DNHD1: variants seen among roughly 807,000 people sequenced by gnomAD.
DNHD1 encodes dynein heavy chain domain 1, also known as dynein heavy chain domain-containing protein 1.
A neutral mutation model predicts 458.1 loss-of-function variants in DNHD1; 383 were observed. That is an observed-to-expected ratio of 0.84 (90% CI 0.77 to 0.91). The LOEUF (loss-of-function observed/expected upper bound fraction) is 0.91. Ranked by LOEUF, DNHD1 falls within the 40% of genes least tolerant of loss-of-function variation. DNHD1 has a pLI of 0.00. For missense variants in DNHD1, 5,336 were observed against 5,866.1 expected (o/e 0.91, Z 2.95); for synonymous variants, 2,203 against 2,376.9 (o/e 0.93, Z 2.13).
At chr11:6,527,048 C>T (rs1852723757) in intron 10 of DNHD1, among the ~76,000 whole-genome samples, 1 of 152,202 alleles carries the variant, frequency 6.6e-6, no homozygotes, top group African/African-American at 2.4e-5. Context: ...CTGTGAGGAT[C>T]CCTTGCCCTC....
chr11:6,501,913 C>T (rs2134364195), intron 3 of DNHD1, among the ~76,000 whole-genome samples: 1 of 152,240 alleles, frequency 6.6e-6, no homozygotes, highest in African/African-American at 2.4e-5. Context: ...AGGTTATAAA[C>T]CATATTGTTG....
rs1226768342 is a variant in DNHD1, at chr11:6,564,321, C to T, written c.10285-12C>T. ...TGGCCTACACAGCCTCTGGTCTTCC[C>T]TTCCACTCCAGAAGCTGAAGGGACG... On this transcript the variant is annotated splice_polypyrimidine_tract_variant and intron_variant, in intron 31 of 42. Coordinates refer to ENST00000254579, the MANE Select transcript of DNHD1 (RefSeq NM_144666.3). 1.3e-5 allele frequency: 20 copies of T among 1,522,480 alleles called. No individual in the cohort carries two copies. The highest frequency in any genetic ancestry group is 1.8e-5 in the Non-Finnish European group (20 of 1,129,692). The allele number at this position is 1,522,480 out of a possible 1,614,324, so 94.3% of individuals were successfully genotyped here.
chr11:6,501,058 G>C (rs1852123950), intron 3 of DNHD1, among the ~76,000 whole-genome samples: 1 of 152,064 alleles, frequency 6.6e-6, no homozygotes, highest in Non-Finnish European at 1.5e-5. Context: ...TCAAGGAGGA[G>C]GGAGCAGTCA....
At position 6,545,929 on chromosome 11, in the gene DNHD1, C is replaced by G. The variant is rs1853205049; in HGVS notation, c.4990C>G (p.Leu1664Val). ...LGPRLGPLPS[L>V]LPERPALVLL... is the part of the protein sequence containing the mutation. ...ACCTAGACTAGGGCCTCTACCCAGC[C>G]TACTGCCTGAACGGCCAGCCCTGGT... The change falls in exon 21 of 43, where the codon CTA becomes GTA. Residue 1664 changes from leucine (L) to valine (V), a missense_variant. Leu to Val is a conservative substitution (Grantham distance 32). Around this residue, in one of 4 missense-constraint regions of DNHD1, gnomAD observed 3,932 missense variants for 4,365.6 expected, o/e 0.90. Transcript: ENST00000254579. The surrounding 1 kb of genome is among the most constrained non-coding windows in gnomAD (Gnocchi z 4.9). 1 of 1,551,794 alleles carries G rather than the reference C, an allele frequency of 6.4e-7. No homozygotes were observed. Among genetic ancestry groups the G allele is most frequent in the Admixed American group, 2.0e-5 (1 of 51,012 alleles).
chr11:6,566,055 G>T (rs1225997816), intron 33 of DNHD1, 64 bp downstream of exon 33: 9 of 1,447,018 alleles, frequency 6.2e-6, no homozygotes. Context: ...GACCCCACAG[G>T]CCTCCCACAC....
chr11:6,519,732 C>T lies in DNHD1; in HGVS notation c.1525C>T (p.Gln509Ter). The change falls in exon 8 of 43, where the codon CAA (glutamine) becomes TAA (stop). Residue 509 changes from glutamine to a stop codon, truncating the protein, a stop_gained. Coordinates refer to ENST00000254579, the MANE Select transcript of DNHD1 (RefSeq NM_144666.3). LOFTEE classifies it high-confidence loss of function. ...CAAGCAACTGGAGCAGAAGCTGAAGCAAGCAGAGGCCTGGTGGCTGCAGCT... is the reference window on the plus strand; with the variant it reads ...CAAGCAACTGGAGCAGAAGCTGAAGTAAGCAGAGGCCTGGTGGCTGCAGCT... ...QHKQLEQKLK[Q>*]AEAWWLQLGK... 6.2e-7 allele frequency: 1 copy of T among 1,614,174 alleles called. No homozygotes were observed. Among genetic ancestry groups the T allele is most frequent in the South Asian group, 1.1e-5 (1 of 91,090 alleles).
intron 17 of DNHD1, 51 bp downstream of exon 17, chr11:6,539,364 T>C: frequency 7.3e-7 from 1 of 1,360,716 alleles, no homozygotes; most frequent in South Asian, 1.2e-5. Context: ...CCAGGACCTG[T>C]AATAAAGCCA....
rs1422220733 is a variant in DNHD1, at chr11:6,548,611, AGGTGCTGCAG to A, written c.7099-33_7099-24del. The A allele has an allele frequency of 1.3e-6, 2 of 1,549,624 alleles. No homozygotes were observed. Among genetic ancestry groups the A allele is most frequent in the Admixed American group, 3.9e-5 (2 of 50,922 alleles). On this transcript the variant is annotated intron_variant, in intron 23 of 42. Transcript: ENST00000254579. The surrounding 1 kb of genome is among the most constrained non-coding windows in gnomAD (Gnocchi z 4.4). ...CAGCTAGATTACTGTCTTATACTGG[AGGTGCTGCAG>A]TAAGTCCCACTTCTGTCTTGCAGAC...
intron 17 of DNHD1, 144 bp from the exon 18 acceptor site, chr11:6,539,732 C>T: frequency 1.4e-6 from 1 of 730,628 alleles, no homozygotes; most frequent in Non-Finnish European, 2.3e-6. Context: ...CCTGATGGTC[C>T]CACTCTCGCT....
At chr11:6,567,895 G>C in intron 36 of DNHD1, 35 bp downstream of exon 36, 1 of 1,555,512 alleles carries the variant, frequency 6.4e-7, no homozygotes, top group South Asian at 1.2e-5. Flanking sequence ...AGAGTGACCA[G>C]GCTCCTGTGG....
rs539255057 is a variant in DNHD1, at chr11:6,546,849, C to T, written c.5910C>T (p.Asp1970=). 2 of 1,551,792 alleles carry T rather than the reference C, an allele frequency of 1.3e-6. No individual in the cohort carries two copies. The highest frequency in any genetic ancestry group is 1.4e-5 in the African/African-American group (1 of 73,190). Residue 1970 remains aspartate (D), a synonymous_variant, in exon 21 of 43, where the codon GAC becomes GAT. Transcript: ENST00000254579. ...LQQVGLDPSP[D]ILGSLEQLSQ... The stretch of plus-strand genomic sequence containing the variant: ...AGGTAGGTCTGGATCCCAGCCCTGA[C>T]ATTTTGGGGTCCTTGGAACAGTTGA...
At chr11:6,553,608 C>T (rs1853405372) in intron 24 of DNHD1, among the ~76,000 whole-genome samples, 8 of 152,046 alleles carry the variant, frequency 5.3e-5, no homozygotes, top group Admixed American at 5.2e-4. Flanking sequence ...TTTTTTTAAA[C>T]CCCATAAAAA....
chr11:6,544,828 A>G lies in DNHD1; in HGVS notation c.3889A>G (p.Thr1297Ala), dbSNP rs1349355933. Residue 1297 changes from threonine (T) to alanine (A), a missense_variant, in exon 21 of 43, where the codon ACC (threonine) becomes GCC (alanine). Physicochemically the swap from Thr to Ala is moderately conservative, Grantham distance 58. This residue lies in a region of DNHD1 where 3,932 missense variants were observed against 4,365.6 expected (regional missense o/e 0.90). Transcript: ENST00000254579. ...CAAGGTCATGGATGACCAGTATCGA[A>G]CCCTGATGCGCATCTCTGTAGCTGA... ...RFKVMDDQYR[T>A]LMRISVADPM... The G allele has an allele frequency of 3.2e-6, 5 of 1,551,634 alleles. No individual in the cohort carries two copies. In the African/African-American group the frequency reaches 6.8e-5, roughly 21 times the overall value.
intron 10 of DNHD1, 87 bp from the exon 11 acceptor site, chr11:6,528,432 TGTG>T: frequency 1.5e-6 from 2 of 1,355,408 alleles, no homozygotes; most frequent in Non-Finnish European, 1.0e-6. Flanking sequence ...TGTGTGTGTG[TGTG>T]TACACACACT....
chr11:6,530,952 C>CCG (rs1165250540), intron 12 of DNHD1, among the ~76,000 whole-genome samples: 1 of 10,082 alleles, frequency 9.9e-5, no homozygotes, highest in Admixed American at 2.1e-3. Context: ...ATTTAGAACC[C>CCG]TGTCTGTTTT....
chr11:6,498,042 C>G lies in DNHD1; in HGVS notation c.-174C>G. 2.4e-6 allele frequency: 2 copies of G among 849,042 alleles called. No individual in the cohort carries two copies. Among genetic ancestry groups the G allele is most frequent in the Non-Finnish European group, 3.7e-6 (2 of 535,082 alleles). The allele number at this position is 849,042 out of a possible 1,614,324, so 52.6% of individuals were successfully genotyped here. On this transcript the variant is annotated 5_prime_UTR_variant, in exon 3 of 43. Transcript: ENST00000254579. ...TCCCTGTCCCAGGTCCTTTCTTCCT[C>G]CTAACCCCATTGACTCTGACCATCC... is the stretch of plus-strand genomic sequence containing the variant.
chr11:6,570,228 A>T lies in DNHD1; in HGVS notation c.12956-19A>T. On this transcript the variant is annotated intron_variant, in intron 40 of 42. Transcript: ENST00000254579. ...AAACTGAAGGTACTGGAACTGAGAG[A>T]CTCTAACCTCATCTTCAGCTTCAGT... 6.2e-7 allele frequency: 1 copy of T among 1,613,268 alleles called. No individual in the cohort carries two copies.
chr11:6,533,087 A>C lies in DNHD1; in HGVS notation c.2408A>C (p.Asn803Thr). ...ILAHVQNECWNLSQQLMTELT... is the reference protein window; with the variant it reads ...ILAHVQNECWTLSQQLMTELT... ...GCACACGTGCAAAATGAGTGCTGGAACCTCAGTCAACAACTCATGACAGAG... is the reference window on the plus strand; with the variant it reads ...GCACACGTGCAAAATGAGTGCTGGACCCTCAGTCAACAACTCATGACAGAG... The change falls in exon 13 of 43, where the codon AAC (asparagine) becomes ACC (threonine). Residue 803 changes from asparagine (N) to threonine (T), a missense_variant. Asn to Thr is a moderately conservative substitution (Grantham distance 65). Coordinates refer to ENST00000254579, the MANE Select transcript of DNHD1 (RefSeq NM_144666.3). The C allele has an allele frequency of 6.4e-7, 1 of 1,551,650 alleles. No homozygotes were observed. Among genetic ancestry groups the C allele is most frequent in the South Asian group, 1.2e-5 (1 of 84,054 alleles).
chr11:6,533,176 ACCCAGAAGGTGGGCTCTC>A lies in DNHD1; in HGVS notation c.2502_2505+14del, dbSNP rs1564811294. Reference sequence around the variant, plus strand: ...AGATATTCATGCCATTGCACAGTGCACCCAGAAGGTGGGCTCTCCCCATCCATCCTTCCCAGTTTATTC... The same window carrying A: ...AGATATTCATGCCATTGCACAGTGCACCCATCCATCCTTCCCAGTTTATTC... On this transcript the variant is annotated splice_donor_variant and splice_donor_5th_base_variant and coding_sequence_variant and intron_variant, in exon 13 of 43. Coordinates refer to ENST00000254579, the MANE Select transcript of DNHD1 (RefSeq NM_144666.3). LOFTEE classifies it high-confidence loss of function. 3 of 1,551,456 alleles carry A rather than the reference ACCCAGAAGGTGGGCTCTC, an allele frequency of 1.9e-6. No individual in the cohort carries two copies. The highest frequency in any genetic ancestry group is 8.7e-7 in the Non-Finnish European group (1 of 1,146,926).
Sources: gnomAD v4.1 joint callset for allele counts (sites outside exome capture counted in the v4.1 genomes callset) on GRCh38, gnomAD v4.1.1 for gene constraint, gnomAD v4.1.1 regional missense constraint, Gnocchi (gnomAD v3.1) non-coding constraint, MANE v1.5 for transcripts, NCBI Gene and HGNC (gene_info 2026-07-23, HGNC 2026-07-21) for gene names.